The following FBN1 variants were observed in gnomAD, a reference collection of about 807,000 sequenced individuals.
The protein encoded by FBN1 is fibrillin 1, also known as fibrillin-1.
FBN1 carries 29 observed loss-of-function variants against 365.1 expected under a neutral mutation model. The observed-to-expected ratio is 0.08, with a 90% CI of 0.06 to 0.11. The LOEUF (loss-of-function observed/expected upper bound fraction) is 0.11, where lower values mean the gene tolerates loss of function less well. Among genes scored for constraint, FBN1 ranks in the 10% least tolerant of loss-of-function variants. The pLI is 1.00. For synonymous variants in FBN1, 1,210 were observed against 1,270.5 expected (o/e 0.95, Z 1.01); for missense variants, 2,476 against 3,703.2 (o/e 0.67, Z 8.60).
chr15:48,567,538 T>C (rs1319339319), intron 6 of FBN1, among the ~76,000 whole-genome samples: 3 of 152,056 alleles, frequency 2.0e-5, no homozygotes, highest in African/African-American at 7.2e-5. Flanking sequence ...ATATTCCCAA[T>C]GAACAGAGAC....
intron 9 of FBN1, 90 bp from the exon 10 acceptor site, chr15:48,520,907 A>G (rs1243624964): frequency 7.1e-6 from 11 of 1,549,872 alleles, no homozygotes; most frequent in Non-Finnish European, 9.7e-6. Flanking sequence ...CATACTTCAC[A>G]CTGGGGCTAC....
Position 48,485,404 on chromosome 15 carries a change from C to A in FBN1, c.3682G>T (p.Ala1228Ser). 1 of 1,614,190 alleles carries A rather than the reference C, an allele frequency of 6.2e-7. No individual in the cohort carries two copies. The highest frequency in any genetic ancestry group is 2.2e-5 in the East Asian group (1 of 44,886). Reference protein sequence around the residue: ...SYECSCQPGFALMPDQRSCTD... With the variant: ...SYECSCQPGFSLMPDQRSCTD... Reference sequence around the variant, plus strand: ...CATGATCTCTGGTCAGGCATTAGTGCAAATCCCGGCTGACAGCTACATTCA... The same window carrying A: ...CATGATCTCTGGTCAGGCATTAGTGAAAATCCCGGCTGACAGCTACATTCA... Residue 1228 changes from alanine to serine, a missense_variant, in exon 30 of 66, where the codon GCA becomes TCA. Ala to Ser is a moderately conservative substitution (Grantham distance 99). Transcript: ENST00000316623.
intron 58 of FBN1, among the ~76,000 whole-genome samples, chr15:48,426,760 T>TTA (rs1364081693): frequency 1.3e-5 from 2 of 152,208 alleles, no homozygotes; most frequent in Non-Finnish European, 1.5e-5. Flanking sequence ...TTCGGCTATC[T>TTA]TATTGCTACA....
intron 6 of FBN1, among the ~76,000 whole-genome samples, chr15:48,560,065 G>A (rs1440509907): frequency 1.3e-5 from 2 of 152,126 alleles, no homozygotes; most frequent in Non-Finnish European, 2.9e-5. Flanking sequence ...CACTAAAGGC[G>A]ACTCAAATTG....
chr15:48,639,239 C>T (rs532965231), intron 2 of FBN1, among the ~76,000 whole-genome samples: 7 of 152,270 alleles, frequency 4.6e-5, no homozygotes, highest in Admixed American at 2.0e-4. Flanking sequence ...CTGCATACCT[C>T]GGCTCTCACA....
At chr15:48,462,605 G>A (rs748543162) in intron 42 of FBN1, among the ~76,000 whole-genome samples, 8 of 152,064 alleles carry the variant, frequency 5.3e-5, no homozygotes, top group Non-Finnish European at 8.8e-5. Context: ...TATTAGTCCT[G>A]CTCCTGGCTC....
chr15:48,539,841 T>G (rs559396159), intron 6 of FBN1, among the ~76,000 whole-genome samples: 1 of 152,330 alleles, frequency 6.6e-6, no homozygotes, highest in East Asian at 1.9e-4. Context: ...CTACTGTTTT[T>G]TTAGTTTTAT....
chr15:48,601,569 A>C (rs1021353487), intron 4 of FBN1, among the ~76,000 whole-genome samples: 2 of 152,236 alleles, frequency 1.3e-5, no homozygotes, highest in Non-Finnish European at 2.9e-5. Flanking sequence ...CCTGAAGCAC[A>C]GGGGCCAAAT....
At chr15:48,477,785 C>T (rs1424950176) in intron 32 of FBN1, among the ~76,000 whole-genome samples, 1 of 152,202 alleles carries the variant, frequency 6.6e-6, no homozygotes, top group African/African-American at 2.4e-5. Context: ...TTAAGAATAG[C>T]ATAAGCCAAG....
rs956553439 is a variant in FBN1, at chr15:48,463,378, A to G, written c.5066-138T>C. 4.7e-6 allele frequency: 4 copies of G among 855,298 alleles called. No homozygotes were observed. In the Admixed American group the frequency reaches 5.6e-5, roughly 12 times the overall value. 53.0% of individuals were successfully genotyped at this position (855,298 alleles called of 1,614,324 possible). On this transcript the variant is annotated intron_variant, in intron 41 of 65. Coordinates refer to ENST00000316623, the MANE Select transcript of FBN1 (RefSeq NM_000138.5). Reference sequence around the variant, plus strand: ...CTTGACTTTGATAAGGACACAAAAAACTTGCTCTTACACAACTTTCTAGCT... The same window carrying G: ...CTTGACTTTGATAAGGACACAAAAAGCTTGCTCTTACACAACTTTCTAGCT...
chr15:48,554,015 AAAGTT>A (rs1474110804), intron 6 of FBN1, among the ~76,000 whole-genome samples: 1 of 152,342 alleles, frequency 6.6e-6, no homozygotes, highest in East Asian at 1.9e-4. Flanking sequence ...GGCTCAAAGT[AAAGTT>A]AAGAAATTTG....
At chr15:48,608,902 T>A (rs1157674531) in intron 4 of FBN1, among the ~76,000 whole-genome samples, 2 of 152,228 alleles carry the variant, frequency 1.3e-5, no homozygotes, top group Non-Finnish European at 2.9e-5. Context: ...AGAGAAGTCA[T>A]TATCAGTTCA....
intron 40 of FBN1, among the ~76,000 whole-genome samples, chr15:48,464,480 C>T (rs2043304524): frequency 6.6e-6 from 1 of 152,110 alleles, no homozygotes; most frequent in Non-Finnish European, 1.5e-5. Context: ...CATGCCATTG[C>T]ACTCCAGCCT....
chr15:48,474,503 C>T, intron 33 of FBN1, 25 bp downstream of exon 33: 1 of 1,614,076 alleles, frequency 6.2e-7, no homozygotes, highest in Non-Finnish European at 8.5e-7. Flanking sequence ...CCTTGATAAG[C>T]AACCTCTGTT....
rs115926667 is a variant in FBN1, at chr15:48,614,478, A to G, written c.165-1386T>C. Among the ~76,000 whole-genome samples, 1,220 of 152,328 alleles carry G rather than the reference A, an allele frequency of 8.0e-3. 14 individuals carry two copies. The highest frequency in any genetic ancestry group is 0.028 in the African/African-American group (1,182 of 41,572). On this transcript the variant is annotated intron_variant, in intron 2 of 65. Coordinates refer to ENST00000316623, the MANE Select transcript of FBN1 (RefSeq NM_000138.5). ...ACATCATGCAGGTTTGGGAACCAAC[A>G]TAAGGTCTTTGCTATGTCCTTTACC...
chr15:48,438,676 C>G (rs1446307138), intron 50 of FBN1, among the ~76,000 whole-genome samples: 1 of 152,134 alleles, frequency 6.6e-6, no homozygotes, highest in African/African-American at 2.4e-5. Context: ...ACAGAATAGT[C>G]TTTCTTTGAA....
intron 41 of FBN1, 45 bp downstream of exon 41, chr15:48,463,854 T>C (rs375740119): frequency 1.3e-6 from 2 of 1,568,776 alleles, no homozygotes; most frequent in African/African-American, 2.7e-5. Flanking sequence ...TTCCTCTTTG[T>C]AGATGAGAAC....
At chr15:48,484,251 T>C (rs530560847) in intron 30 of FBN1, among the ~76,000 whole-genome samples, 1 of 152,338 alleles carries the variant, frequency 6.6e-6, no homozygotes, top group East Asian at 1.9e-4. Flanking sequence ...AATCTTATTT[T>C]CCCTATTGTC....
intron 6 of FBN1, among the ~76,000 whole-genome samples, chr15:48,585,812 T>C (rs1237266882): frequency 1.3e-5 from 2 of 152,144 alleles, no homozygotes; most frequent in South Asian, 2.1e-4. Context: ...ATAAACCAAA[T>C]TGACTTTTTA....
Sources: gnomAD v4.1 joint callset for allele counts (sites outside exome capture counted in the v4.1 genomes callset) on GRCh38, gnomAD v4.1.1 for gene constraint, MANE v1.5 for transcripts, NCBI Gene and HGNC (gene_info 2026-07-23, HGNC 2026-07-21) for gene names.